Variants in LRRC4C observed in about 807,000 individuals in gnomAD.
LRRC4C encodes the protein leucine-rich repeat-containing protein 4C.
Under a neutral mutation model 33.6 loss-of-function variants are expected in LRRC4C, and 5 were observed. That is an observed-to-expected ratio of 0.15 (90% CI 0.08 to 0.31). The LOEUF is 0.31. Among genes scored for constraint, LRRC4C ranks in the 10% least tolerant of loss-of-function variants. The pLI is 1.00. For synonymous variants in LRRC4C, 329 were observed against 302.0 expected, an observed-to-expected ratio of 1.09 and a Z score of -0.93; for missense variants, 560 against 796.7, an observed-to-expected ratio of 0.70 and a Z score of 3.58.
intron 5 of LRRC4C, among the ~76,000 whole-genome samples, chr11:40,214,002 T>G (rs535597114): frequency 9.2e-4 from 140 of 152,268 alleles, no homozygotes; most frequent in Middle Eastern, 3.4e-3. Context: ...TAAGAGAATT[T>G]AATCCCATTG....
rs565895137 is a variant in LRRC4C at position 41,315,165 on chromosome 11, T to A, written c.-496+144266A>T. ...ATGAAAAAAAATGTGCACTGAAGAT[T>A]GTCTGTGATCATGAGCAACTTGAGT... On this transcript the variant is annotated intron_variant, in intron 1 of 6. Coordinates refer to ENST00000528697, the MANE Select transcript of LRRC4C (RefSeq NM_001258419.2). 2.8e-3 allele frequency among the ~76,000 whole-genome samples: 428 copies of A among 152,294 alleles called. 6 individuals are homozygous for A. The highest frequency in any genetic ancestry group is 0.014 in the East Asian group (73 of 5,188).
At chr11:40,756,889 A>G (rs1466407496) in intron 2 of LRRC4C, among the ~76,000 whole-genome samples, 1 of 151,894 alleles carries the variant, frequency 6.6e-6, no homozygotes, top group East Asian at 1.9e-4. Context: ...TCTTTCTGTC[A>G]GACTTTTTTT....
At chr11:40,776,158 C>T (rs181944039) in intron 2 of LRRC4C, among the ~76,000 whole-genome samples, 49 of 152,158 alleles carry the variant, frequency 3.2e-4, no homozygotes, top group African/African-American at 1.2e-3. Flanking sequence ...TATTAATTTG[C>T]TACTGATTTC....
At chr11:41,424,597 A>C (rs950165388) in intron 1 of LRRC4C, among the ~76,000 whole-genome samples, 3 of 152,084 alleles carry the variant, frequency 2.0e-5, no homozygotes, top group African/African-American at 7.2e-5. Context: ...TGTTTGGACC[A>C]GTTACCAAGT....
intron 2 of LRRC4C, among the ~76,000 whole-genome samples, chr11:40,705,966 G>A (rs1946149724): frequency 6.6e-6 from 1 of 152,144 alleles, no homozygotes; most frequent in Admixed American, 6.5e-5. Context: ...GTGATGATGA[G>A]CATTTTTTCC....
chr11:40,722,355 G>T (rs1479600809), intron 2 of LRRC4C, among the ~76,000 whole-genome samples: 1 of 152,096 alleles, frequency 6.6e-6, no homozygotes, highest in Non-Finnish European at 1.5e-5. Context: ...GCCGCTAAGC[G>T]CCTATTTGCC....
At chr11:41,014,257 C>T (rs1243052670) in intron 1 of LRRC4C, among the ~76,000 whole-genome samples, 6 of 151,994 alleles carry the variant, frequency 3.9e-5, no homozygotes, top group South Asian at 2.1e-4. Flanking sequence ...GTGTGAATTT[C>T]GGTGGGTACA....
chr11:40,595,478 T>G (rs1959215341), intron 3 of LRRC4C, among the ~76,000 whole-genome samples: 1 of 152,108 alleles, frequency 6.6e-6, no homozygotes, highest in Non-Finnish European at 1.5e-5. Flanking sequence ...ACCAACATCC[T>G]TGGGAACCAG....
intron 3 of LRRC4C, among the ~76,000 whole-genome samples, chr11:40,386,077 TA>T (rs1232100964): frequency 8.8e-5 from 5 of 56,920 alleles, no homozygotes; most frequent in Non-Finnish European, 1.9e-4. Context: ...TGAAATATAA[TA>T]AATTAAAAAA....
intron 3 of LRRC4C, among the ~76,000 whole-genome samples, chr11:40,554,047 T>C (rs1489875898): frequency 6.6e-6 from 1 of 152,214 alleles, no homozygotes; most frequent in Non-Finnish European, 1.5e-5. Context: ...TATGTAGGTT[T>C]TCCTCTAGGA....
intron 1 of LRRC4C, among the ~76,000 whole-genome samples, chr11:41,122,261 C>T (rs1942476741): frequency 6.6e-6 from 1 of 152,022 alleles, no homozygotes; most frequent in Non-Finnish European, 1.5e-5. Context: ...TAGGGTAAAA[C>T]ATACTTATTG....
chr11:41,016,691 T>A (rs1265135756), intron 1 of LRRC4C, among the ~76,000 whole-genome samples: 1 of 112,334 alleles, frequency 8.9e-6, no homozygotes, highest in African/African-American at 3.0e-5. Flanking sequence ...GCTTCAATAA[T>A]CATGAGTGAA....
In LRRC4C at chr11:40,930,352, G is replaced by A. The variant is rs569576242; in HGVS notation, c.-407+3283C>T. On this transcript the variant is annotated intron_variant, in intron 2 of 6. Coordinates refer to ENST00000528697, the MANE Select transcript of LRRC4C (RefSeq NM_001258419.2). ...CCTAATGGCCAAAGTGGGGACTGGAGCCTATTGCTCTAGCCTTTACAGGTC... is the reference window on the plus strand; with the variant it reads ...CCTAATGGCCAAAGTGGGGACTGGAACCTATTGCTCTAGCCTTTACAGGTC... Among the ~76,000 whole-genome samples, 10 of 152,302 alleles carry A rather than the reference G, an allele frequency of 6.6e-5. No individual in the cohort carries two copies. In the East Asian group the frequency reaches 1.9e-3, roughly 29 times the overall value.
At chr11:40,181,904 C>T (rs1341141263) in intron 5 of LRRC4C, among the ~76,000 whole-genome samples, 1 of 152,134 alleles carries the variant, frequency 6.6e-6, no homozygotes, top group Non-Finnish European at 1.5e-5. Context: ...CCTCCTATGG[C>T]CAATCCCCTT....
chr11:40,723,123 A>G (rs1432129706), intron 2 of LRRC4C, among the ~76,000 whole-genome samples: 5 of 152,162 alleles, frequency 3.3e-5, no homozygotes, highest in East Asian at 3.9e-4. Context: ...GACCAAACCT[A>G]TGACTCATTG....
intron 2 of LRRC4C, among the ~76,000 whole-genome samples, chr11:40,796,410 G>A (rs1950826766): frequency 6.6e-6 from 1 of 152,016 alleles, no homozygotes; most frequent in African/African-American, 2.4e-5. Flanking sequence ...ATGAGCCTAG[G>A]ACAAAAAATA....
intron 4 of LRRC4C, among the ~76,000 whole-genome samples, chr11:40,296,182 A>T (rs1264003233): frequency 6.6e-6 from 1 of 152,208 alleles, no homozygotes; most frequent in Non-Finnish European, 1.5e-5. Context: ...AAAAAGGAAC[A>T]GCTTCTCTTT....
At chr11:40,700,785 C>G (rs1945829088) in intron 2 of LRRC4C, among the ~76,000 whole-genome samples, 2 of 152,098 alleles carry the variant, frequency 1.3e-5, no homozygotes, top group African/African-American at 4.8e-5. Context: ...ATCTTTGACA[C>G]CTAATTTAAC....
intron 1 of LRRC4C, among the ~76,000 whole-genome samples, chr11:41,410,305 T>C (rs1473394047): frequency 2.0e-5 from 3 of 152,222 alleles, no homozygotes; most frequent in Non-Finnish European, 4.4e-5. Context: ...GAAATCATTT[T>C]GGCACCTAGT....
Sources: allele counts gnomAD v4.1 joint callset (sites outside exome capture counted in the v4.1 genomes callset), GRCh38; gene constraint gnomAD v4.1.1; transcripts MANE v1.5; gene names NCBI Gene and HGNC (gene_info 2026-07-23, HGNC 2026-07-21).